Variants in SLC2A10 observed in about 807,000 individuals in gnomAD.
The protein encoded by SLC2A10 is solute carrier family 2, facilitated glucose transporter member 10.
SLC2A10 carries 25 observed loss-of-function variants against 32.1 expected under a neutral mutation model. The observed-to-expected ratio is 0.78, with a 90% confidence interval of 0.57 to 1.09. SLC2A10 has a LOEUF of 1.09. Among genes scored for constraint, SLC2A10 ranks in the 50% least tolerant of loss-of-function variants. The pLI, the probability that SLC2A10 is intolerant of heterozygous loss-of-function variation, is 0.00. For synonymous variants in SLC2A10, 332 were observed against 309.6 expected, an observed-to-expected ratio of 1.07 and a Z score of -0.76; for missense variants, 673 against 686.5, an observed-to-expected ratio of 0.98 and a Z score of 0.22.
chr20:46,729,599 TCTTC>T (rs1264242271), intron 4 of SLC2A10, 111 bp downstream of exon 4: 3 of 1,039,066 alleles, frequency 2.9e-6, no homozygotes, highest in Admixed American at 1.9e-5. Context: ...ATTCCTCCTG[TCTTC>T]CTTATTGCCT....
At chr20:46,722,950 C>G (rs1405537039) in intron 1 of SLC2A10, among the ~76,000 whole-genome samples, 1 of 152,198 alleles carries the variant, frequency 6.6e-6, no homozygotes, top group African/African-American at 2.4e-5. Flanking sequence ...GCACTCTTAC[C>G]TGGACCCTTG....
chr20:46,725,406 T>C lies in SLC2A10; in HGVS notation c.370T>C (p.Ser124Pro). 1.2e-6 allele frequency: 2 copies of C among 1,614,156 alleles called. No individual in the cohort carries two copies. Among genetic ancestry groups the C allele is most frequent in the Admixed American group, 1.7e-5 (1 of 60,022 alleles). ...LSSMACCIYV[S>P]ELVGPRQRGV... Reference sequence around the variant, plus strand: ...CTCCATGGCTTGCTGTATCTACGTGTCAGAGCTGGTGGGGCCACGGCAGCG... The same window carrying C: ...CTCCATGGCTTGCTGTATCTACGTGCCAGAGCTGGTGGGGCCACGGCAGCG... Residue 124 changes from serine (S) to proline (P), a missense_variant, in exon 2 of 5, where the codon TCA becomes CCA. Transcript: ENST00000359271.
At chr20:46,715,021 G>A (rs982925941) in intron 1 of SLC2A10, among the ~76,000 whole-genome samples, 3 of 152,164 alleles carry the variant, frequency 2.0e-5, no homozygotes, top group African/African-American at 7.2e-5. Context: ...ACATGGGTTT[G>A]GGAGGCAGGC....
rs767211470 is a variant in SLC2A10 at position 46,725,145 on chromosome 20, CAGCTTGACTTTG to C, written c.110_121del (p.Gln37_Gly41delinsArg). Reference sequence around the variant, plus strand: ...CATATCAGGTGCCCTGCTGCCACTGCAGCTTGACTTTGGGCTAAGCTGCTTGGAGCAGGAGTT... The same window carrying C: ...CATATCAGGTGCCCTGCTGCCACTGCGGCTAAGCTGCTTGGAGCAGGAGTT... On this transcript the variant is annotated inframe_deletion, in exon 2 of 5. Coordinates refer to ENST00000359271, the MANE Select transcript of SLC2A10 (RefSeq NM_030777.4). 8.7e-6 allele frequency: 14 copies of C among 1,614,124 alleles called. No individual in the cohort carries two copies. Among genetic ancestry groups the C allele is most frequent in the Non-Finnish European group, 1.7e-6 (2 of 1,180,060 alleles).
chr20:46,709,719 C>A lies in SLC2A10; in HGVS notation c.-18C>A. The A allele has an allele frequency of 6.5e-7, 1 of 1,542,880 alleles. No homozygotes were observed. On this transcript the variant is annotated 5_prime_UTR_variant, in exon 1 of 5. Coordinates refer to ENST00000359271, the MANE Select transcript of SLC2A10 (RefSeq NM_030777.4). ...CGGCCCCTCAGCGCCCCCAGCACGC[C>A]GCCGAGTCCCGCTCGCCATGGGTAA...
At position 46,726,452 on chromosome 20, in the gene SLC2A10, C is replaced by T. The variant is rs1040343919; in HGVS notation, c.1288+128C>T. 15 of 1,360,068 alleles carry T rather than the reference C, an allele frequency of 1.1e-5. 1 individual carries two copies. The highest frequency in any genetic ancestry group is 1.3e-5 in the Non-Finnish European group (13 of 990,152). The allele number at this position is 1,360,068 out of a possible 1,614,324, so 84.3% of individuals were successfully genotyped here. ...CACTAGAGGTGGGTTGACCATGAAGCCTCAGGGCCCCTCACTTACCTGCAG... is the reference window on the plus strand; with the variant it reads ...CACTAGAGGTGGGTTGACCATGAAGTCTCAGGGCCCCTCACTTACCTGCAG... On this transcript the variant is annotated intron_variant, in intron 2 of 4. Transcript: ENST00000359271.
intron 1 of SLC2A10, among the ~76,000 whole-genome samples, chr20:46,723,738 T>A (rs1979688405): frequency 6.6e-6 from 1 of 152,162 alleles, no homozygotes; most frequent in Non-Finnish European, 1.5e-5. Context: ...TCTCACTCAC[T>A]GGGCTTCAGC....
rs1202973913 is a variant in SLC2A10, at chr20:46,729,417, C to A, written c.1476C>A (p.Phe492Leu). The A allele has an allele frequency of 2.5e-6, 4 of 1,613,792 alleles. No individual in the cohort carries two copies. In the Admixed American group the frequency reaches 6.7e-5, roughly 27 times the overall value. Residue 492 changes from phenylalanine (F) to leucine (L), a missense_variant, in exon 4 of 5, where the codon TTC becomes TTA. By Grantham distance (22) the Phe-to-Leu change is conservative. Transcript: ENST00000359271. ...TGACCGCTGTCCTCGGCCTGGGCTT[C>A]ATCTATTTATTTGTTCCTGAAACAA... The part of the protein sequence containing the change: ...YGLTAVLGLG[F>L]IYLFVPETKG...
In SLC2A10 at chr20:46,734,345, C is replaced by G. The variant is rs1212243551; in HGVS notation, c.*511C>G. On this transcript the variant is annotated 3_prime_UTR_variant, in exon 5 of 5. Transcript: ENST00000359271. ...ATTCTGTTGCCCAGGCTGGCCTGATCTTGGCTCACTGCAACCTCCACCTCC... is the reference window on the plus strand; with the variant it reads ...ATTCTGTTGCCCAGGCTGGCCTGATGTTGGCTCACTGCAACCTCCACCTCC... The G allele has an allele frequency of 5.4e-6, 1 of 185,966 alleles. No individual in the cohort carries two copies. The highest frequency in any genetic ancestry group is 5.4e-5 in the Admixed American group (1 of 18,368). 11.5% of individuals were successfully genotyped at this position (185,966 alleles called of 1,614,324 possible). A position where few individuals can be genotyped will look rare whatever the true frequency, so the allele number is the denominator to read the frequency against.
At position 46,733,884 on chromosome 20, in the gene SLC2A10, T is replaced by A; in HGVS notation, c.*50T>A. ...GGAACTGTGGCTTTGGCAGACCATC[T>A]CCAGCATCCTGCTTCCTAGGCCCCA... is the stretch of plus-strand genomic sequence containing the variant. On this transcript the variant is annotated 3_prime_UTR_variant, in exon 5 of 5. Transcript: ENST00000359271. The A allele has an allele frequency of 6.4e-7, 1 of 1,555,124 alleles. No individual in the cohort carries two copies. Among genetic ancestry groups the A allele is most frequent in the Non-Finnish European group, 8.9e-7 (1 of 1,128,434 alleles).
In SLC2A10 at chr20:46,725,796, GCC is replaced by G. The variant is rs1341502906; in HGVS notation, c.761_762del (p.Ala254ValfsTer107). ...LTGQPNVLCY[A>X]STIFSSVGFH... ...AGGGCAGCCCAACGTGCTGTGCTAT[GCC>G]TCCACCATCTTCAGCTCCGTTGGTT... On this transcript the variant is annotated frameshift_variant, in exon 2 of 5. Transcript: ENST00000359271. LOFTEE classifies it high-confidence loss of function. 1.2e-6 allele frequency: 2 copies of G among 1,614,216 alleles called. No individual in the cohort carries two copies. Among genetic ancestry groups the G allele is most frequent in the African/African-American group, 2.7e-5 (2 of 75,064 alleles).
At chr20:46,709,902 G>A (rs1420288092) in intron 1 of SLC2A10, 162 bp downstream of exon 1, 2 of 750,898 alleles carry the variant, frequency 2.7e-6, no homozygotes, top group Admixed American at 5.6e-5. Flanking sequence ...CAGGCCTGCG[G>A]CGGGGGCTGG....
Position 46,718,879 on chromosome 20 carries a change from A to T in SLC2A10, c.5-6162A>T, listed in dbSNP as rs143110806. Among the ~76,000 whole-genome samples, 142 of 152,266 alleles carry T rather than the reference A, an allele frequency of 9.3e-4. 1 individual carries two copies. Among genetic ancestry groups the T allele is most frequent in the African/African-American group, 2.8e-3 (115 of 41,556 alleles). On this transcript the variant is annotated intron_variant, in intron 1 of 4. Coordinates refer to ENST00000359271, the MANE Select transcript of SLC2A10 (RefSeq NM_030777.4). ...CAGCCTCGACCTCCTGGGCTCAAGC[A>T]ATCCTTCTGCCTCAGCCTCCTGATT...
rs1600677247 is a variant in SLC2A10 at position 46,736,090 on chromosome 20, T to C, written c.*2256T>C. 1 of 152,204 alleles carries C rather than the reference T, an allele frequency of 6.6e-6. No homozygotes were observed. Among genetic ancestry groups the C allele is most frequent in the East Asian group, 1.9e-4 (1 of 5,180 alleles). 9.4% of individuals were successfully genotyped at this position (152,204 alleles called of 1,614,324 possible). ...ACAAGGTTTGGCAAAAAAAAAAATA[T>C]TAACAAAATATTCTGTAAGAATCAA... On this transcript the variant is annotated 3_prime_UTR_variant, in exon 5 of 5. Coordinates refer to ENST00000359271, the MANE Select transcript of SLC2A10 (RefSeq NM_030777.4).
intron 4 of SLC2A10, among the ~76,000 whole-genome samples, chr20:46,732,667 A>ATT (rs1479198549): frequency 6.6e-6 from 1 of 151,600 alleles, no homozygotes; most frequent in Non-Finnish European, 1.5e-5. Flanking sequence ...GCACGGTGAT[A>ATT]TTTTTGTGTA....
chr20:46,722,261 T>C (rs1421876280), intron 1 of SLC2A10, among the ~76,000 whole-genome samples: 1 of 152,166 alleles, frequency 6.6e-6, no homozygotes, highest in African/African-American at 2.4e-5. Flanking sequence ...TATGCAAACC[T>C]ACCTCTGAAG....
chr20:46,722,263 C>CCTCT (rs1163780803), intron 1 of SLC2A10, among the ~76,000 whole-genome samples: 1 of 152,140 alleles, frequency 6.6e-6, no homozygotes. Context: ...TGCAAACCTA[C>CCTCT]CTCTGAAGGC....
chr20:46,733,750 T>C lies in SLC2A10; in HGVS notation c.1548-6T>C. On this transcript the variant is annotated splice_polypyrimidine_tract_variant and splice_region_variant and intron_variant, in intron 4 of 4. Transcript: ENST00000359271. ...CCCCTGATCCCACGCATTCTTTGTCTGACAGGTTCACCCTGAGCTTTGGCC... is the reference window on the plus strand; with the variant it reads ...CCCCTGATCCCACGCATTCTTTGTCCGACAGGTTCACCCTGAGCTTTGGCC... 1 of 1,613,962 alleles carries C rather than the reference T, an allele frequency of 6.2e-7. No individual in the cohort carries two copies.
intron 1 of SLC2A10, among the ~76,000 whole-genome samples, chr20:46,712,651 C>CTTTTTTTTTTTT (rs11477202): frequency 1.0e-3 from 99 of 94,422 alleles, no homozygotes; most frequent in Non-Finnish European, 1.3e-3. Context: ...TTCTTTCTTT[C>CTTTTTTTTTTTT]TTTTTTTTTT....
Sources: allele counts gnomAD v4.1 joint callset (sites outside exome capture counted in the v4.1 genomes callset), GRCh38; gene constraint gnomAD v4.1.1; transcripts MANE v1.5; gene names NCBI Gene and HGNC (gene_info 2026-07-23, HGNC 2026-07-21).